Variants in NLRP13 observed in about 807,000 individuals in gnomAD.
NLRP13 encodes NLR family pyrin domain containing 13, also known as NACHT, LRR and PYD domains-containing protein 13.
In NLRP13, 82 loss-of-function variants were observed where a neutral mutation model predicts 94.4. The ratio of observed to expected loss-of-function variants is 0.87; its 90% CI spans 0.73 to 1.04. NLRP13 has a LOEUF of 1.04. Among genes scored for constraint, NLRP13 ranks in the 50% least tolerant of loss-of-function variants. The probability of loss-of-function intolerance (pLI) is 0.00; values close to 1 mark genes in which losing one functional copy is unlikely to be tolerated. For missense variants in NLRP13, 1,426 were observed against 1,230.8 expected (o/e 1.16, Z -2.37); for synonymous variants, 553 against 464.7 (o/e 1.19, Z -2.45).
rs71182931 is a variant in NLRP13 at position 55,906,337 on chromosome 19, C to CAAAAAAAAAAAAAAAAAAAA, written c.2448-1226_2448-1225insTTTTTTTTTTTTTTTTTTTT. ...TGGGTGACAGAGTGAGACTCCATCT[C>CAAAAAAAAAAAAAAAAAAAA]AAAAAAAAAAAAAAAAAGACAGATG... On this transcript the variant is annotated intron_variant, in intron 7 of 10. Coordinates refer to ENST00000342929, the MANE Select transcript of NLRP13 (RefSeq NM_176810.2). 9.8e-5 allele frequency among the ~76,000 whole-genome samples: 6 copies of CAAAAAAAAAAAAAAAAAAAA among 60,982 alleles called. 1 individual carries two copies. The highest frequency in any genetic ancestry group is 3.7e-4 in the African/African-American group (5 of 13,568). The allele number at this position is 60,982 out of a possible 152,430, so 40.0% of individuals were successfully genotyped here.
rs762522841 is a variant in NLRP13, at chr19:55,913,177, C to G, written c.640G>C (p.Glu214Gln). ...IRNTSKDEHE[E>Q]LQRLLDPNRT... The stretch of plus-strand genomic sequence containing the variant: ...TTAGGATCCAGTAGGCGCTGCAGTT[C>G]CTCATGTTCGTCCTTTGATGTATTA... Residue 214 changes from glutamate (E) to glutamine (Q), a missense_variant, in exon 5 of 11, where the codon GAA becomes CAA. By Grantham distance (29) the Glu-to-Gln change is conservative (BLOSUM62 2). Transcript: ENST00000342929. 1.9e-6 allele frequency: 3 copies of G among 1,614,124 alleles called. No individual in the cohort carries two copies. The highest frequency in any genetic ancestry group is 2.5e-6 in the Non-Finnish European group (3 of 1,180,030).
At chr19:55,920,839 G>A (rs528486973) in intron 4 of NLRP13, among the ~76,000 whole-genome samples, 105 of 152,136 alleles carry the variant, frequency 6.9e-4, no homozygotes, top group African/African-American at 2.1e-3. Flanking sequence ...GCAAAGATAC[G>A]CAATCAACCT....
chr19:55,903,841 CT>C (rs1255706949), intron 8 of NLRP13, among the ~76,000 whole-genome samples: 1 of 152,124 alleles, frequency 6.6e-6, no homozygotes, highest in Non-Finnish European at 1.5e-5. Flanking sequence ...AATAGGAGCC[CT>C]ATCTCTTGCT....
intron 4 of NLRP13, among the ~76,000 whole-genome samples, chr19:55,915,048 C>A (rs1034426252): frequency 2.0e-5 from 3 of 151,802 alleles, no homozygotes; most frequent in Admixed American, 2.0e-4. Context: ...GGGAATGGCA[C>A]GGGGAAAAGA....
intron 10 of NLRP13, among the ~76,000 whole-genome samples, chr19:55,897,716 C>G (rs1359598872): frequency 3.9e-5 from 6 of 152,058 alleles, no homozygotes; most frequent in Non-Finnish European, 7.4e-5. Context: ...GAGAACAAGT[C>G]TAGTTTATGT....
In NLRP13 at chr19:55,911,982, A is replaced by G. The variant is rs1986529701; in HGVS notation, c.1835T>C (p.Val612Ala). 2 of 1,614,070 alleles carry G rather than the reference A, an allele frequency of 1.2e-6. No homozygotes were observed. The highest frequency in any genetic ancestry group is 2.7e-5 in the African/African-American group (2 of 74,916). Residue 612 changes from valine to alanine, a missense_variant, in exon 5 of 11, where the codon GTA becomes GCA. Coordinates refer to ENST00000342929, the MANE Select transcript of NLRP13 (RefSeq NM_176810.2). ...TCCCCACTTTAATAATTCCTCCATT[A>G]CCCTGGGAGATATTTTACAATGCAA... ...DTLHCKISPR[V>A]MEELLKWGEE...
At chr19:55,922,908 G>A (rs1022764146) in intron 4 of NLRP13, among the ~76,000 whole-genome samples, 3 of 152,202 alleles carry the variant, frequency 2.0e-5, no homozygotes, top group African/African-American at 4.8e-5. Flanking sequence ...AATATCAGAA[G>A]TAGCCCCAAA....
intron 4 of NLRP13, among the ~76,000 whole-genome samples, chr19:55,921,917 T>A (rs976767476): frequency 2.0e-5 from 3 of 152,224 alleles, no homozygotes; most frequent in Admixed American, 2.0e-4. Context: ...TTAATTGGTA[T>A]ATTAGTCTGT....
At chr19:55,905,897 C>G (rs1357155195) in intron 7 of NLRP13, among the ~76,000 whole-genome samples, 1 of 152,142 alleles carries the variant, frequency 6.6e-6, no homozygotes, top group Non-Finnish European at 1.5e-5. Context: ...CCAGTTTCAA[C>G]TAATTTAATA....
chr19:55,892,776 A>T (rs1032185331), downstream of NLRP13, among the ~76,000 whole-genome samples: 2 of 152,180 alleles, frequency 1.3e-5, no homozygotes, highest in East Asian at 3.9e-4. Flanking sequence ...AACTTGTGAG[A>T]ACATGTGGTA....
chr19:55,897,735 A>G (rs915659402), intron 10 of NLRP13, among the ~76,000 whole-genome samples: 6 of 152,200 alleles, frequency 3.9e-5, no homozygotes, highest in African/African-American at 1.4e-4. Context: ...GTTTAAACCA[A>G]TAATTTAATG....
intron 4 of NLRP13, among the ~76,000 whole-genome samples, chr19:55,919,963 G>A (rs1986773823): frequency 6.6e-6 from 1 of 151,984 alleles, no homozygotes; most frequent in South Asian, 2.1e-4. Flanking sequence ...AAAACAGCAT[G>A]GTACTAGTAC....
At chr19:55,922,326 T>G (rs1421405118) in intron 4 of NLRP13, among the ~76,000 whole-genome samples, 1 of 152,028 alleles carries the variant, frequency 6.6e-6, no homozygotes, top group African/African-American at 2.4e-5. Context: ...TGTTTTTTGT[T>G]TTTTTGTTTG....
At chr19:55,898,620 C>A in intron 10 of NLRP13, 150 bp downstream of exon 10, 2 of 781,572 alleles carry the variant, frequency 2.6e-6, no homozygotes, top group Non-Finnish European at 3.9e-6. Flanking sequence ...GCTGGGGTTA[C>A]GGGCGTGAGC....
intron 9 of NLRP13, among the ~76,000 whole-genome samples, chr19:55,900,497 C>T (rs992816431): frequency 2.0e-5 from 3 of 152,054 alleles, no homozygotes; most frequent in South Asian, 4.1e-4. Context: ...CCAGGCCAGG[C>T]GCGGTGGCTC....
chr19:55,930,898 A>ATATATATATATATATATAT, intron 1 of NLRP13, among the ~76,000 whole-genome samples: 5 of 104,872 alleles, frequency 4.8e-5, no homozygotes, highest in African/African-American at 1.5e-4. Flanking sequence ...ATATATATAT[A>ATATATATATATATATATAT]AAATTTTAAC....
chr19:55,910,584 C>A lies in NLRP13; in HGVS notation c.2261G>T (p.Arg754Ile). ...TTACGTCAGTTTCTGGACTTTGCAT[C>A]TTGGATTTTTCAGTGCAAGACAGAG... ...KGLCLALKNPRCKVQKLTCKS... is the reference protein window; with the variant it reads ...KGLCLALKNPICKVQKLTCKS... The change falls in exon 6 of 11, where the codon AGA becomes ATA. Residue 754 changes from arginine (R) to isoleucine (I), a missense_variant. Physicochemically the swap from Arg to Ile is moderately conservative, Grantham distance 97. Coordinates refer to ENST00000342929, the MANE Select transcript of NLRP13 (RefSeq NM_176810.2). 1 of 1,605,666 alleles carries A rather than the reference C, an allele frequency of 6.2e-7. No individual in the cohort carries two copies. Among genetic ancestry groups the A allele is most frequent in the Non-Finnish European group, 8.5e-7 (1 of 1,173,754 alleles).
intron 4 of NLRP13, among the ~76,000 whole-genome samples, chr19:55,921,997 A>C (rs1042988855): frequency 4.6e-5 from 7 of 152,342 alleles, no homozygotes; most frequent in Middle Eastern, 3.4e-3. Context: ...TGATGGACTC[A>C]CAGTTCCACA....
Position 55,912,915 on chromosome 19 carries a change from G to T in NLRP13, c.902C>A (p.Ser301Tyr), listed in dbSNP as rs755385447. 2 of 1,614,114 alleles carry T rather than the reference G, an allele frequency of 1.2e-6. No individual in the cohort carries two copies. Among genetic ancestry groups the T allele is most frequent in the South Asian group, 1.1e-5 (1 of 91,088 alleles). ...AATAAACAGGAGCTTCTCTGGTTGA[G>T]ACATGAACTCTTCAATGGGGGCATC... ...DFDAPIEEFM[S>Y]QPEKLLFIID... The change falls in exon 5 of 11, where the codon TCT becomes TAT. Residue 301 changes from serine (S) to tyrosine (Y), a missense_variant. Coordinates refer to ENST00000342929, the MANE Select transcript of NLRP13 (RefSeq NM_176810.2).
Sources: gnomAD v4.1 joint callset for allele counts (sites outside exome capture counted in the v4.1 genomes callset) on GRCh38, gnomAD v4.1.1 for gene constraint, MANE v1.5 for transcripts, NCBI Gene and HGNC (gene_info 2026-07-23, HGNC 2026-07-21) for gene names.